Variants in SCN4A observed in about 807,000 individuals in gnomAD.
SCN4A encodes the protein sodium channel protein type 4 subunit alpha.
In SCN4A, 83 loss-of-function variants were observed where a neutral mutation model predicts 162.0. That is an observed-to-expected ratio of 0.51 (90% CI 0.43 to 0.61). The LOEUF is 0.61. Among genes scored for constraint, SCN4A ranks in the 20% least tolerant of loss-of-function variants. The pLI is 0.00. For missense variants in SCN4A, 2,196 were observed against 2,462.5 expected (o/e 0.89, Z 2.29); for synonymous variants, 944 against 985.1 (o/e 0.96, Z 0.78).
At chr17:63,959,483 AGGG>A in intron 11 of SCN4A, 45 bp from the exon 12 acceptor site, 1 of 1,583,668 alleles carries the variant, frequency 6.3e-7, no homozygotes, top group Non-Finnish European at 8.6e-7. Context: ...CGGGGAGCCC[AGGG>A]CCCTGGAAGT....
In SCN4A at chr17:63,971,270, G is replaced by C; in HGVS notation, c.612-17C>G. Reference sequence around the variant, plus strand: ...GTCAGGTACCTGGGTAGGGGGTGGAGGGGGGTGGGGACTGTCAGAGCCTGG... The same window carrying C: ...GTCAGGTACCTGGGTAGGGGGTGGACGGGGGTGGGGACTGTCAGAGCCTGG... On this transcript the variant is annotated splice_polypyrimidine_tract_variant and intron_variant, in intron 4 of 23. Transcript: ENST00000435607. 1 of 1,421,588 alleles carries C rather than the reference G, an allele frequency of 7.0e-7. No individual in the cohort carries two copies. 88.1% of individuals were successfully genotyped at this position (1,421,588 alleles called of 1,614,324 possible).
chr17:63,971,124 C>T, intron 5 of SCN4A, 38 bp downstream of exon 5: 1 of 1,389,080 alleles, frequency 7.2e-7, no homozygotes, highest in Non-Finnish European at 1.0e-6. Flanking sequence ...ACGGGGGTCT[C>T]TCAGCTCAGG....
In SCN4A at chr17:63,972,529, G is replaced by A; in HGVS notation, c.273+40C>T. On this transcript the variant is annotated intron_variant, in intron 1 of 23. Coordinates refer to ENST00000435607, the MANE Select transcript of SCN4A (RefSeq NM_000334.4). This position sits in a 1 kb window ranked among gnomAD's most constrained non-coding sequence, Gnocchi z 4.3. Reference sequence around the variant, plus strand: ...CAGACAGACAGGCAGACAGATGGATGGATGGCAGACAGACAGAGGAAGCCT... The same window carrying A: ...CAGACAGACAGGCAGACAGATGGATAGATGGCAGACAGACAGAGGAAGCCT... The A allele has an allele frequency of 1.9e-6, 3 of 1,601,296 alleles. No individual in the cohort carries two copies. The highest frequency in any genetic ancestry group is 2.6e-6 in the Non-Finnish European group (3 of 1,173,754).
At position 63,940,881 on chromosome 17, in the gene SCN4A, C is replaced by T. The variant is rs201192904; in HGVS notation, c.5401G>A (p.Ala1801Thr). 1.1e-4 allele frequency: 170 copies of T among 1,613,638 alleles called. No individual in the cohort carries two copies. Among genetic ancestry groups the T allele is most frequent in the Non-Finnish European group, 1.3e-4 (151 of 1,179,860 alleles). The stretch of plus-strand genomic sequence containing the variant: ...GGCATCAGCCCCATAGTGGGTCCGG[C>T]GTCCCCTGCCTCGCCCTTCTCCTCC... ...SPEEKGEAGD[A>T]GPTMGLMPIS... The change falls in exon 24 of 24, where the codon GCC (alanine) becomes ACC (threonine). Residue 1801 changes from alanine to threonine, a missense_variant. Ala to Thr is a moderately conservative substitution (Grantham distance 58). Coordinates refer to ENST00000435607, the MANE Select transcript of SCN4A (RefSeq NM_000334.4).
In SCN4A at chr17:63,940,874, G is replaced by A. The variant is rs1253090697; in HGVS notation, c.5408C>T (p.Pro1803Leu). The stretch of plus-strand genomic sequence containing the variant: ...GCTGATGGGCATCAGCCCCATAGTG[G>A]GTCCGGCGTCCCCTGCCTCGCCCTT... Reference protein sequence around the residue: ...EEKGEAGDAGPTMGLMPISPS... With the variant: ...EEKGEAGDAGLTMGLMPISPS... The change falls in exon 24 of 24, where the codon CCC (proline) becomes CTC (leucine). Residue 1803 changes from proline to leucine, a missense_variant. Pro to Leu is a moderately conservative substitution (Grantham distance 98). Coordinates refer to ENST00000435607, the MANE Select transcript of SCN4A (RefSeq NM_000334.4). 6.2e-7 allele frequency: 1 copy of A among 1,613,760 alleles called. No individual in the cohort carries two copies. Among genetic ancestry groups the A allele is most frequent in the Admixed American group, 1.7e-5 (1 of 60,020 alleles).
chr17:63,952,929 A>G (rs1254112518), intron 13 of SCN4A, among the ~76,000 whole-genome samples: 1 of 152,036 alleles, frequency 6.6e-6, no homozygotes, highest in Admixed American at 6.6e-5. Context: ...AGCTTTTGAA[A>G]CCACATTGCA....
Position 63,951,822 on chromosome 17 carries a change from T to A in SCN4A, c.2455A>T (p.Met819Leu). 6.3e-7 allele frequency: 1 copy of A among 1,579,356 alleles called. No individual in the cohort carries two copies. Among genetic ancestry groups the A allele is most frequent in the Non-Finnish European group, 8.6e-7 (1 of 1,163,598 alleles). Residue 819 changes from methionine (M) to leucine (L), a missense_variant, in exon 14 of 24, where the codon ATG becomes TTG. Transcript: ENST00000435607. This position sits in a 1 kb window ranked among gnomAD's most constrained non-coding sequence, Gnocchi z 4.5. Reference sequence around the variant, plus strand: ...CCGATGGCAATCTGCAGGTTGTTCATCTCGCCATCCTCATCCGAGGCTGCC... The same window carrying A: ...CCGATGGCAATCTGCAGGTTGTTCAACTCGCCATCCTCATCCGAGGCTGCC... ...SLAASDEDGE[M>L]NNLQIAIGRI...
At chr17:63,967,054 G>T (rs1159217618) in intron 6 of SCN4A, among the ~76,000 whole-genome samples, 1 of 152,188 alleles carries the variant, frequency 6.6e-6, no homozygotes, top group Non-Finnish European at 1.5e-5. Flanking sequence ...ACCCTGCCAG[G>T]ATGTGAGCAT....
intron 23 of SCN4A, 66 bp downstream of exon 23, chr17:63,942,760 T>A: frequency 6.6e-7 from 1 of 1,519,568 alleles, no homozygotes; most frequent in South Asian, 1.2e-5. Context: ...TGTGTCCGTG[T>A]GAGGATGGGT....
chr17:63,940,839 T>A lies in SCN4A; in HGVS notation c.5443A>T (p.Thr1815Ser). Residue 1815 changes from threonine to serine, a missense_variant, in exon 24 of 24, where the codon ACT (threonine) becomes TCT (serine). Physicochemically the swap from Thr to Ser is moderately conservative, Grantham distance 58. Transcript: ENST00000435607. ...MGLMPISPSD[T>S]AWPPAPPPGQ... ...GGGGGAGGGGCGGGAGGCCAGGCAG[T>A]GTCTGAGGGGCTGATGGGCATCAGC... 6.2e-7 allele frequency: 1 copy of A among 1,610,042 alleles called. No individual in the cohort carries two copies. The highest frequency in any genetic ancestry group is 8.5e-7 in the Non-Finnish European group (1 of 1,177,370).
Position 63,947,745 on chromosome 17 carries a change from G to C in SCN4A, c.3318+145C>G, listed in dbSNP as rs112456231. On this transcript the variant is annotated intron_variant, in intron 17 of 23. Coordinates refer to ENST00000435607, the MANE Select transcript of SCN4A (RefSeq NM_000334.4). Reference sequence around the variant, plus strand: ...CCCTAACCCCTCCCTGGGCAGCTCTGTCTGAGAAGGGCAGCACTGATTGAG... The same window carrying C: ...CCCTAACCCCTCCCTGGGCAGCTCTCTCTGAGAAGGGCAGCACTGATTGAG... 4,701 of 748,272 alleles carry C rather than the reference G, an allele frequency of 6.3e-3. 19 individuals are homozygous for C. The highest frequency in any genetic ancestry group is 8.6e-3 in the Non-Finnish European group (4,104 of 479,918). 46.4% of individuals were successfully genotyped at this position (748,272 alleles called of 1,614,324 possible).
rs762393514 is a variant in SCN4A, at chr17:63,968,363, C to T, written c.704-8G>A. On this transcript the variant is annotated splice_region_variant and splice_polypyrimidine_tract_variant and intron_variant, in intron 5 of 23. Coordinates refer to ENST00000435607, the MANE Select transcript of SCN4A (RefSeq NM_000334.4). ...CCACGATCGTCTTCAGCCCTGACCG[C>T]AGAGAGGGCAAGGATATTGGCAGGG... 2.1e-5 allele frequency: 33 copies of T among 1,579,774 alleles called. No individual in the cohort carries two copies. The African/African-American group carries it at 3.0e-4, about 14-fold the overall frequency.
rs1908640295 is a variant in SCN4A, at chr17:63,944,272, T to G, written c.3912+401A>C. Among the ~76,000 whole-genome samples, 1 of 152,142 alleles carries G rather than the reference T, an allele frequency of 6.6e-6. No homozygotes were observed. Among genetic ancestry groups the G allele is most frequent in the Non-Finnish European group, 1.5e-5 (1 of 68,018 alleles). Reference sequence around the variant, plus strand: ...CTCCTGCCTCAGCCTCCTGAGTAGCTGGGATTACAGATGCCTGCCACCACG... The same window carrying G: ...CTCCTGCCTCAGCCTCCTGAGTAGCGGGGATTACAGATGCCTGCCACCACG... On this transcript the variant is annotated intron_variant, in intron 21 of 23. Transcript: ENST00000435607. The surrounding 1 kb of genome is among the most constrained non-coding windows in gnomAD (Gnocchi z 4.3).
chr17:63,958,930 C>T (rs1230080999), intron 12 of SCN4A, among the ~76,000 whole-genome samples: 1 of 152,206 alleles, frequency 6.6e-6, no homozygotes, highest in Non-Finnish European at 1.5e-5. Flanking sequence ...CAATCCTACT[C>T]CTAATGAACT....
At chr17:63,968,417 G>A (rs1909522658) in intron 5 of SCN4A, 62 bp from the exon 6 acceptor site, 5 of 1,408,024 alleles carry the variant, frequency 3.6e-6, no homozygotes, top group East Asian at 2.3e-5. Context: ...CAGAGCCCCC[G>A]CGGCCCCCAC....
intron 5 of SCN4A, 85 bp downstream of exon 5, chr17:63,971,077 T>A: frequency 1.1e-6 from 1 of 881,420 alleles, no homozygotes; most frequent in Non-Finnish European, 1.9e-6. Flanking sequence ...CCTGGGAGTG[T>A]TGTGACACTG....
Position 63,942,835 on chromosome 17 carries a change from A to G in SCN4A, c.4279T>C (p.Ser1427Pro), listed in dbSNP as rs1359446386. ...NIFDFVVVIL[S>P]IVGLALSDLI... ...AGCCCGCCCCGCTCACCCACAATGG[A>G]CAGGATGACGACCACGAAGTCAAAG... Residue 1427 changes from serine (S) to proline (P), a missense_variant, in exon 23 of 24, where the codon TCC becomes CCC. Coordinates refer to ENST00000435607, the MANE Select transcript of SCN4A (RefSeq NM_000334.4). The G allele has an allele frequency of 1.2e-6, 2 of 1,613,668 alleles. No individual in the cohort carries two copies. Among genetic ancestry groups the G allele is most frequent in the African/African-American group, 2.7e-5 (2 of 74,936 alleles).
At chr17:63,942,717 G>T in intron 23 of SCN4A, 109 bp downstream of exon 23, 1 of 1,134,530 alleles carries the variant, frequency 8.8e-7, no homozygotes, top group Non-Finnish European at 1.3e-6. Context: ...ACAGGCATGT[G>T]TCTGGGTGAG....
chr17:63,944,900 C>G lies in SCN4A; in HGVS notation c.3775-90G>C. 1 of 1,594,524 alleles carries G rather than the reference C, an allele frequency of 6.3e-7. No individual in the cohort carries two copies. Among genetic ancestry groups the G allele is most frequent in the South Asian group, 1.1e-5 (1 of 89,100 alleles). ...CCTGAGGGCAGGACCCATCCACCCCCAGGGCTGCCAAGTCTCGGGGACAGA... is the reference window on the plus strand; with the variant it reads ...CCTGAGGGCAGGACCCATCCACCCCGAGGGCTGCCAAGTCTCGGGGACAGA... On this transcript the variant is annotated intron_variant, in intron 20 of 23. Transcript: ENST00000435607. The surrounding 1 kb of genome is among the most constrained non-coding windows in gnomAD (Gnocchi z 4.3).
Sources: gnomAD v4.1 joint callset for allele counts (sites outside exome capture counted in the v4.1 genomes callset) on GRCh38, gnomAD v4.1.1 for gene constraint, Gnocchi (gnomAD v3.1) non-coding constraint, MANE v1.5 for transcripts, NCBI Gene and HGNC (gene_info 2026-07-23, HGNC 2026-07-21) for gene names.